The following FNDC7 variants were observed in gnomAD, a reference collection of about 807,000 sequenced individuals.
FNDC7 encodes the protein fibronectin type III domain containing 7, also known as fibronectin type III domain-containing protein 7.
FNDC7 carries 66 observed loss-of-function variants against 74.2 expected under a neutral mutation model. The ratio of observed to expected loss-of-function variants is 0.89; its 90% CI spans 0.73 to 1.09. The LOEUF (loss-of-function observed/expected upper bound fraction) is 1.09, where lower values mean the gene tolerates loss of function less well. Ranked by LOEUF, FNDC7 falls within the 50% of genes least tolerant of loss-of-function variation. The pLI is 0.00. For synonymous variants in FNDC7, 307 were observed against 330.2 expected, an observed-to-expected ratio of 0.93 and a Z score of 0.76; for missense variants, 829 against 893.4, an observed-to-expected ratio of 0.93 and a Z score of 0.92.
At chr1:108,718,693 A>G (rs1661028532) in intron 3 of FNDC7, 96 bp from the exon 4 acceptor site, 3 of 1,272,298 alleles carry the variant, frequency 2.4e-6, no homozygotes, top group Non-Finnish European at 3.2e-6. Flanking sequence ...GCAAATAATT[A>G]TTGTATATTA....
chr1:108,716,545 A>G (rs1352125623), intron 2 of FNDC7, among the ~76,000 whole-genome samples: 1 of 152,090 alleles, frequency 6.6e-6, no homozygotes, highest in Admixed American at 6.6e-5. Context: ...AAAAGAGACT[A>G]TCCTGGGTGA....
At position 108,733,466 on chromosome 1, in the gene FNDC7, G is replaced by A. The variant is rs1178622512; in HGVS notation, c.2074G>A (p.Val692Met). 6.2e-7 allele frequency: 1 copy of A among 1,614,134 alleles called. No individual in the cohort carries two copies. The highest frequency in any genetic ancestry group is 1.7e-5 in the Admixed American group (1 of 60,012). Residue 692 changes from valine to methionine, a missense_variant, in exon 10 of 13, where the codon GTG (valine) becomes ATG (methionine). Physicochemically the swap from Val to Met is conservative, Grantham distance 21 (BLOSUM62 1). Coordinates refer to ENST00000370017, the MANE Select transcript of FNDC7 (RefSeq NM_001144937.3). ...TEIPCGDVYT[V>M]MVSPVAKTGL... ...GATACCCTGTGGGGATGTATACACTGTGATGGTCTCACCAGTTGCTAAAAC... is the reference window on the plus strand; with the variant it reads ...GATACCCTGTGGGGATGTATACACTATGATGGTCTCACCAGTTGCTAAAAC...
At chr1:108,737,425 G>GT in intron 10 of FNDC7, 70 bp from the exon 11 acceptor site, 2 of 1,370,208 alleles carry the variant, frequency 1.5e-6, no homozygotes, top group South Asian at 1.3e-5. Flanking sequence ...TCTTTCTTAA[G>GT]TTAAATCTTC....
intron 4 of FNDC7, 38 bp from the exon 5 acceptor site, chr1:108,722,297 G>A (rs367628284): frequency 1.3e-6 from 2 of 1,515,030 alleles, no homozygotes; most frequent in African/African-American, 2.8e-5. Context: ...TAGTTTGTAA[G>A]GCTACTACAA....
chr1:108,727,625 G>A (rs993741818), intron 6 of FNDC7, among the ~76,000 whole-genome samples, 183 bp from the exon 7 acceptor site: 9 of 152,140 alleles, frequency 5.9e-5, no homozygotes, highest in Non-Finnish European at 1.0e-4. Flanking sequence ...TCATGCTGAG[G>A]ATTTACCCTC....
chr1:108,717,912 T>TG lies in FNDC7; in HGVS notation c.220dup (p.Ala74GlyfsTer17), dbSNP rs1454701426. On this transcript the variant is annotated frameshift_variant, in exon 3 of 13. Coordinates refer to ENST00000370017, the MANE Select transcript of FNDC7 (RefSeq NM_001144937.3). LOFTEE classifies it high-confidence loss of function. ...GGGGACACAGTCATTGAAACCACGG[T>TG]GGCCAATTCCCCAGGCACTGTGACG... 1 of 1,551,714 alleles carries TG rather than the reference T, an allele frequency of 6.4e-7. No individual in the cohort carries two copies. The highest frequency in any genetic ancestry group is 1.4e-5 in the African/African-American group (1 of 73,162).
chr1:108,737,164 GT>G (rs1280602068), intron 10 of FNDC7, among the ~76,000 whole-genome samples: 1 of 151,936 alleles, frequency 6.6e-6, no homozygotes, highest in African/African-American at 2.4e-5. Context: ...AGAGATGGGG[GT>G]TTCGCCATGT....
At position 108,741,955 on chromosome 1, in the gene FNDC7, G is replaced by A. The variant is rs950853546; in HGVS notation, c.*68G>A. ...TCTCATTTGTTAGTGATTAGAGATG[G>A]AAAAGATCTACTAGAATGTAGAATA... On this transcript the variant is annotated 3_prime_UTR_variant, in exon 13 of 13. Transcript: ENST00000370017. 2.6e-5 allele frequency: 20 copies of A among 770,288 alleles called. No homozygotes were observed. Among genetic ancestry groups the A allele is most frequent in the Non-Finnish European group, 4.1e-5 (19 of 468,274 alleles). 47.7% of individuals were successfully genotyped at this position (770,288 alleles called of 1,614,324 possible).
chr1:108,717,736 T>C, intron 2 of FNDC7, 41 bp from the exon 3 acceptor site: 2 of 1,540,132 alleles, frequency 1.3e-6, no homozygotes, highest in Admixed American at 2.0e-5. Context: ...GTCATCCTCG[T>C]AGGTATCTTG....
At chr1:108,722,698 A>C in intron 5 of FNDC7, 106 bp downstream of exon 5, 1 of 1,252,760 alleles carries the variant, frequency 8.0e-7, no homozygotes. Flanking sequence ...ATGAAAATGA[A>C]AGCCTGGTCT....
chr1:108,718,088 A>G, intron 3 of FNDC7, 57 bp downstream of exon 3: 1 of 1,534,610 alleles, frequency 6.5e-7, no homozygotes, highest in Non-Finnish European at 8.8e-7. Flanking sequence ...TGGATCAGTT[A>G]TCCTGGTGCT....
At chr1:108,730,554 A>G (rs1661319223) in intron 8 of FNDC7, 120 bp from the exon 9 acceptor site, 1 of 1,137,914 alleles carries the variant, frequency 8.8e-7, no homozygotes, top group South Asian at 1.7e-5. Context: ...TTAACAATGG[A>G]AAGTTGGGGA....
chr1:108,717,104 T>C (rs147041730), intron 2 of FNDC7, among the ~76,000 whole-genome samples: 122 of 152,268 alleles, frequency 8.0e-4, no homozygotes, highest in African/African-American at 2.8e-3. Flanking sequence ...GAGGCAGATA[T>C]TGTGATAGAG....
At chr1:108,729,657 C>T (rs892783593) in intron 8 of FNDC7, among the ~76,000 whole-genome samples, 2 of 152,144 alleles carry the variant, frequency 1.3e-5, no homozygotes, top group African/African-American at 2.4e-5. Context: ...CTGCAAAGCA[C>T]TTAGCATAAT....
chr1:108,713,598 G>A (rs1660916738), intron 2 of FNDC7, 69 bp downstream of exon 2: 1 of 1,373,014 alleles, frequency 7.3e-7, no homozygotes, highest in Non-Finnish European at 1.0e-6. Context: ...TAATTCACGG[G>A]CTACCCTGAA....
Position 108,725,915 on chromosome 1 carries a change from C to T in FNDC7, c.1022C>T (p.Ser341Phe). The stretch of plus-strand genomic sequence containing the variant: ...TCTCTCACTCAGTGCAACTTCTTAT[C>T]TGAGTGTGGCTTCACTTATTTTATT... ...NTSLTQCNFL[S>F]ECGFTYFISV... The change falls in exon 6 of 13, where the codon TCT becomes TTT. Residue 341 changes from serine (S) to phenylalanine (F), a missense_variant. Coordinates refer to ENST00000370017, the MANE Select transcript of FNDC7 (RefSeq NM_001144937.3). 6.2e-7 allele frequency: 1 copy of T among 1,614,138 alleles called. No homozygotes were observed. The highest frequency in any genetic ancestry group is 8.5e-7 in the Non-Finnish European group (1 of 1,180,028).
At chr1:108,733,649 CTT>C (rs397981150) in intron 10 of FNDC7, 117 bp downstream of exon 10, 48,213 of 603,746 alleles carry the variant, frequency 0.08, 565 homozygotes, top group South Asian at 0.1. Flanking sequence ...AAATTTCTTT[CTT>C]TTTTTTTTTT....
In FNDC7 at chr1:108,733,361, T is replaced by C. The variant is rs1661435625; in HGVS notation, c.1969T>C (p.Tyr657His). Residue 657 changes from tyrosine to histidine, a missense_variant, in exon 10 of 13, where the codon TAC (tyrosine) becomes CAC (histidine). By Grantham distance (83) the Tyr-to-His change is moderately conservative (BLOSUM62 2). Coordinates refer to ENST00000370017, the MANE Select transcript of FNDC7 (RefSeq NM_001144937.3). ...YWQASRGSANYSTDLYGSKGI... is the reference protein window; with the variant it reads ...YWQASRGSANHSTDLYGSKGI... ...GCAAGCCTCCAGGGGCTCTGCCAAT[T>C]ACAGCACTGACCTCTATGGCTCCAA... 1 of 1,614,046 alleles carries C rather than the reference T, an allele frequency of 6.2e-7. No individual in the cohort carries two copies. Among genetic ancestry groups the C allele is most frequent in the African/African-American group, 1.3e-5 (1 of 74,904 alleles).
intron 11 of FNDC7, among the ~76,000 whole-genome samples, chr1:108,740,318 C>CTTT (rs567191029): frequency 1.2e-4 from 8 of 68,894 alleles, no homozygotes; most frequent in East Asian, 3.6e-4. Context: ...GCTTTTCAAA[C>CTTT]TTTTTTTTTT....
Sources: allele counts gnomAD v4.1 joint callset (sites outside exome capture counted in the v4.1 genomes callset), GRCh38; gene constraint gnomAD v4.1.1; transcripts MANE v1.5; gene names NCBI Gene and HGNC (gene_info 2026-07-23, HGNC 2026-07-21).